SUN1: variants seen among roughly 807,000 people sequenced by gnomAD.
The protein encoded by SUN1 is Sad1 and UNC84 domain containing 1.
In SUN1, 61 loss-of-function variants were observed where a neutral mutation model predicts 103.2. The ratio of observed to expected loss-of-function variants is 0.59; its 90% CI spans 0.48 to 0.73. SUN1 has a LOEUF of 0.73. Ranked by LOEUF, SUN1 falls within the 30% of genes least tolerant of loss-of-function variation. The pLI is 0.00. For missense variants in SUN1, 1,052 were observed against 1,034.6 expected, an observed-to-expected ratio of 1.02 and a Z score of -0.23; for synonymous variants, 490 against 425.7, an observed-to-expected ratio of 1.15 and a Z score of -1.86.
chr7:866,120 G>A, intron 16 of SUN1, 53 bp downstream of exon 16: 1 of 1,490,578 alleles, frequency 6.7e-7, no homozygotes, highest in South Asian at 1.1e-5. Flanking sequence ...GACTCGGTTA[G>A]TGTTCACGGG....
intron 5 of SUN1, among the ~76,000 whole-genome samples, chr7:845,278 ATGGCGCCTCCCCTCGGACGTCGGTGTCG>A (rs899442881): frequency 2.6e-5 from 4 of 152,104 alleles, no homozygotes; most frequent in African/African-American, 7.2e-5. Flanking sequence ...CCCGAAACTC[ATGGCGCCTCCCCTCGGACGTCGGTGTCG>A]TGGCGCCTCC....
chr7:856,699 C>T (rs1003178688), intron 12 of SUN1, among the ~76,000 whole-genome samples: 3 of 152,212 alleles, frequency 2.0e-5, no homozygotes, highest in Admixed American at 1.3e-4. Flanking sequence ...CTTGCAGGGC[C>T]AACCTCAGGG....
In SUN1 at chr7:852,873, G is replaced by C; in HGVS notation, c.974G>C (p.Ser325Thr). 1 of 1,614,138 alleles carries C rather than the reference G, an allele frequency of 6.2e-7. No individual in the cohort carries two copies. The highest frequency in any genetic ancestry group is 8.5e-7 in the Non-Finnish European group (1 of 1,180,028). The stretch of plus-strand genomic sequence containing the variant: ...TTCTTGCCCGTGTTGAACTGGGCAA[G>C]CATGCATAGAACACAGCGGGTGGAT... ...FSFLPVLNWA[S>T]MHRTQRVDDP... The change falls in exon 9 of 19, where the codon AGC becomes ACC. Residue 325 changes from serine (S) to threonine (T), a missense_variant. Coordinates refer to ENST00000401592, the MANE Select transcript of SUN1 (RefSeq NM_001130965.3).
intron 5 of SUN1, among the ~76,000 whole-genome samples, chr7:849,343 C>T (rs778176968): frequency 6.6e-6 from 1 of 152,216 alleles, no homozygotes; most frequent in East Asian, 1.9e-4. Context: ...CGTCTCTTCT[C>T]GTGGCCCGGG....
chr7:821,087 C>T lies in SUN1; in HGVS notation c.-74+4414C>T, dbSNP rs77112666. On this transcript the variant is annotated intron_variant, in intron 1 of 17. Transcript: ENST00000389574. ...TCATTTTGTTCTCAATGAAATATGC[C>T]TTTAAAAAATAGCCCTTTCTCAAAG... Among the ~76,000 whole-genome samples, 1,150 of 149,602 alleles carry T rather than the reference C, an allele frequency of 7.7e-3. 50 individuals carry two copies. The East Asian group carries it at 0.14, about 18-fold the overall frequency.
rs563109934 is a variant in SUN1 at position 820,071 on chromosome 7, C to T, written c.-74+3398C>T. On this transcript the variant is annotated intron_variant, in intron 1 of 17. Transcript: ENST00000389574. Reference sequence around the variant, plus strand: ...TACTATTTGGGACCCATTGCAGTTCCATATGAATTTAAAGATCAGTTTTTC... The same window carrying T: ...TACTATTTGGGACCCATTGCAGTTCTATATGAATTTAAAGATCAGTTTTTC... 4.6e-5 allele frequency among the ~76,000 whole-genome samples: 7 copies of T among 152,260 alleles called. No homozygotes were observed. The South Asian group carries it at 1.2e-3, about 27-fold the overall frequency.
intron 5 of SUN1, chr7:848,634 C>G (rs1471538814): frequency 7.7e-7 from 1 of 1,305,302 alleles, no homozygotes; most frequent in African/African-American, 1.6e-5. Context: ...ATATTTTTTC[C>G]CTCCTTTTTC....
intron 1 of SUN1, among the ~76,000 whole-genome samples, chr7:818,610 AC>A: frequency 6.6e-6 from 1 of 152,308 alleles, no homozygotes; most frequent in Admixed American, 6.5e-5. Flanking sequence ...TTTTTGAGGA[AC>A]TGCCAAACTG....
upstream of SUN1, among the ~76,000 whole-genome samples, chr7:830,073 A>G (rs1015847244): frequency 1.3e-4 from 20 of 152,272 alleles, no homozygotes; most frequent in African/African-American, 4.1e-4. Flanking sequence ...TTCCAAATTT[A>G]AAATGATCCG....
At chr7:850,092 G>A (rs1820475838) in intron 5 of SUN1, 12 of 1,451,132 alleles carry the variant, frequency 8.3e-6, no homozygotes, top group Non-Finnish European at 1.1e-5. Context: ...TTTGTGTCTT[G>A]TGTGGTTTGT....
At chr7:856,278 T>C in intron 11 of SUN1, 80 bp from the exon 12 acceptor site, 1 of 1,425,740 alleles carries the variant, frequency 7.0e-7, no homozygotes, top group Non-Finnish European at 9.9e-7. Context: ...GATAAATCAA[T>C]GGAGTTTTAA....
chr7:859,437 TA>T (rs534070073), intron 13 of SUN1, among the ~76,000 whole-genome samples: 5 of 152,194 alleles, frequency 3.3e-5, no homozygotes, highest in African/African-American at 1.2e-4. Context: ...CCTACAGAAA[TA>T]AAGGCACCAG....
intron 1 of SUN1, among the ~76,000 whole-genome samples, chr7:821,193 A>T (rs1465190133): frequency 4.1e-4 from 46 of 111,364 alleles, no homozygotes; most frequent in African/African-American, 1.6e-3. Context: ...TTTTTGAGAC[A>T]GAGTCTTGCT....
chr7:834,482 C>T (rs1335165525), intron 1 of SUN1, among the ~76,000 whole-genome samples: 1 of 152,202 alleles, frequency 6.6e-6, no homozygotes, highest in Non-Finnish European at 1.5e-5. Context: ...ACATCAGTGC[C>T]TGGGTCCTCC....
chr7:832,468 G>A (rs75379477), upstream of SUN1: 17 of 1,555,534 alleles, frequency 1.1e-5, no homozygotes, highest in African/African-American at 6.8e-5. Flanking sequence ...TTTCCTGCCC[G>A]TTAAAACACT....
At chr7:861,578 A>T in intron 15 of SUN1, 114 bp downstream of exon 15, 1 of 982,634 alleles carries the variant, frequency 1.0e-6, no homozygotes, top group Non-Finnish European at 1.6e-6. Flanking sequence ...CTAACTTTTA[A>T]ACATCTGAGA....
chr7:851,195 A>G (rs892996595), intron 5 of SUN1, 189 bp from the exon 6 acceptor site: 4 of 441,728 alleles, frequency 9.1e-6, no homozygotes. Context: ...AGCTTTTCAA[A>G]TGGTCATGTC....
At chr7:838,400 C>T (rs1015090603) in intron 1 of SUN1, among the ~76,000 whole-genome samples, 11 of 152,182 alleles carry the variant, frequency 7.2e-5, no homozygotes, top group Non-Finnish European at 1.2e-4. Context: ...ATTCATTCTA[C>T]GGCGCACTGG....
chr7:866,192 A>G (rs577234849), intron 16 of SUN1, 125 bp downstream of exon 16: 149 of 794,098 alleles, frequency 1.9e-4, no homozygotes, highest in Non-Finnish European at 2.7e-4. Context: ...CTGGTACCAC[A>G]AGAAGTGGCA....
Sources: allele counts gnomAD v4.1 joint callset (sites outside exome capture counted in the v4.1 genomes callset), GRCh38; gene constraint gnomAD v4.1.1; transcripts MANE v1.5; gene names NCBI Gene and HGNC (gene_info 2026-07-23, HGNC 2026-07-21).